GABBR2: variants seen among roughly 807,000 people sequenced by gnomAD.
The protein encoded by GABBR2 is gamma-aminobutyric acid type B receptor subunit 2, also known as G-protein coupled receptor 51.
In GABBR2, 23 loss-of-function variants were observed where a neutral mutation model predicts 105.6. The ratio of observed to expected loss-of-function variants is 0.22; its 90% CI spans 0.16 to 0.31. The LOEUF (loss-of-function observed/expected upper bound fraction) is 0.31, where lower values mean the gene tolerates loss of function less well. GABBR2 is among the 10% of genes least tolerant of loss of function. GABBR2 has a pLI of 1.00. For missense variants in GABBR2, 734 were observed against 1,245.5 expected (o/e 0.59, Z 6.18); for synonymous variants, 478 against 499.7 (o/e 0.96, Z 0.58).
intron 13 of GABBR2, among the ~76,000 whole-genome samples, chr9:98,317,565 A>G (rs1431000609): frequency 6.6e-6 from 1 of 152,128 alleles, no homozygotes. Flanking sequence ...CCCATTTGTG[A>G]AGGGAGCCCA....
intron 3 of GABBR2, among the ~76,000 whole-genome samples, chr9:98,535,344 G>C (rs1490105655): frequency 6.6e-6 from 1 of 151,802 alleles, no homozygotes; most frequent in Non-Finnish European, 1.5e-5. Context: ...CAGGTGATCT[G>C]CCCACCTCAG....
rs879816287 is a variant in GABBR2, at chr9:98,384,618, T to A, written c.1662+1022A>T. On this transcript the variant is annotated intron_variant, in intron 11 of 18. Coordinates refer to ENST00000259455, the MANE Select transcript of GABBR2 (RefSeq NM_005458.8). Reference sequence around the variant, plus strand: ...AAAAAACCCAAAAAACAAAAAAAAATAAAAGGCATTTCTTTAGGCATTAAA... The same window carrying A: ...AAAAAACCCAAAAAACAAAAAAAAAAAAAAGGCATTTCTTTAGGCATTAAA... 3.3e-5 allele frequency among the ~76,000 whole-genome samples: 5 copies of A among 151,858 alleles called. No homozygotes were observed. In the East Asian group the frequency reaches 9.7e-4, roughly 29 times the overall value.
intron 1 of GABBR2, among the ~76,000 whole-genome samples, chr9:98,585,480 G>A (rs1175304434): frequency 8.0e-5 from 11 of 138,354 alleles, no homozygotes; most frequent in South Asian, 2.7e-4. Flanking sequence ...ATCACACACC[G>A]GGGACTGGCG....
rs567734727 is a variant in GABBR2 at position 98,415,357 on chromosome 9, T to C, written c.1237-9216A>G. 2.6e-5 allele frequency among the ~76,000 whole-genome samples: 4 copies of C among 152,316 alleles called. No individual in the cohort carries two copies. In the South Asian group the frequency reaches 8.3e-4, roughly 32 times the overall value. ...TCATCAGCAATAAACTAATACTCCC[T>C]CTTGAAATAGATTAATTTTTTTACT... On this transcript the variant is annotated intron_variant, in intron 7 of 18. Transcript: ENST00000259455.
intron 2 of GABBR2, among the ~76,000 whole-genome samples, chr9:98,568,616 T>C (rs1458062893): frequency 1.3e-5 from 2 of 152,066 alleles, no homozygotes; most frequent in East Asian, 3.9e-4. Context: ...AGCCAGCACT[T>C]TGTCCACCAC....
intron 1 of GABBR2, among the ~76,000 whole-genome samples, chr9:98,676,443 A>G (rs1295861334): frequency 6.6e-6 from 1 of 152,252 alleles, no homozygotes; most frequent in Non-Finnish European, 1.5e-5. Flanking sequence ...CCACACCATT[A>G]TCTAGCTAGA....
chr9:98,628,120 T>A (rs893910967), intron 1 of GABBR2, among the ~76,000 whole-genome samples: 8 of 152,202 alleles, frequency 5.3e-5, no homozygotes, highest in African/African-American at 1.9e-4. Context: ...TTACATGACA[T>A]AAGATACAAC....
At chr9:98,389,036 C>A in intron 9 of GABBR2, 32 bp from the exon 10 acceptor site, 1 of 1,588,476 alleles carries the variant, frequency 6.3e-7, no homozygotes, top group South Asian at 1.1e-5. Flanking sequence ...TCAGTGGGAC[C>A]CAATGCAAGT....
At chr9:98,436,280 C>CATATATATATATATAT (rs56768409) in intron 7 of GABBR2, among the ~76,000 whole-genome samples, 3 of 53,924 alleles carry the variant, frequency 5.6e-5, no homozygotes, top group Non-Finnish European at 9.3e-5. Flanking sequence ...CAACAACAAC[C>CATATATATATATATAT]ATATATATAT....
At chr9:98,541,365 T>C (rs1828300054) in intron 3 of GABBR2, among the ~76,000 whole-genome samples, 1 of 151,652 alleles carries the variant, frequency 6.6e-6, no homozygotes, top group Non-Finnish European at 1.5e-5. Flanking sequence ...TTGGCTTTTT[T>C]TTCCCCCACA....
intron 8 of GABBR2, 60 bp from the exon 9 acceptor site, chr9:98,394,315 T>C: frequency 8.2e-7 from 1 of 1,216,188 alleles, no homozygotes; most frequent in Non-Finnish European, 1.2e-6. Context: ...GTCTGGGTGC[T>C]CCTATTCCAG....
At chr9:98,649,680 C>T (rs1314219513) in intron 1 of GABBR2, among the ~76,000 whole-genome samples, 1 of 152,090 alleles carries the variant, frequency 6.6e-6, no homozygotes, top group Non-Finnish European at 1.5e-5. Flanking sequence ...ACAAAATATG[C>T]CTGTGTTCAT....
At chr9:98,440,287 A>G (rs1300420662) in intron 7 of GABBR2, among the ~76,000 whole-genome samples, 1 of 152,200 alleles carries the variant, frequency 6.6e-6, no homozygotes, top group East Asian at 1.9e-4. Context: ...AAGATGTCCC[A>G]TCTCTATTTA....
rs1197179874 is a variant in GABBR2 at position 98,454,031 on chromosome 9, C to A, written c.1186G>T (p.Gly396Cys). 1 of 1,614,072 alleles carries A rather than the reference C, an allele frequency of 6.2e-7. No homozygotes were observed. Among genetic ancestry groups the A allele is most frequent in the African/African-American group, 1.3e-5 (1 of 74,914 alleles). Residue 396 changes from glycine to cysteine, a missense_variant, in exon 7 of 19, where the codon GGC becomes TGC. Transcript: ENST00000259455. This position sits in a 1 kb window ranked among gnomAD's most constrained non-coding sequence, Gnocchi z 4.6. ...QDFNYTDHTL[G>C]RIILNAMNET... ...TTCATGGCATTGAGGATGATCCTGC[C>A]CAGCGTGTGGTCCGTGTAGTTGAAG... is the stretch of plus-strand genomic sequence containing the variant.
In GABBR2 at chr9:98,299,093, C is replaced by G. The variant is rs551551618; in HGVS notation, c.2542+131G>C. 5.0e-4 allele frequency: 388 copies of G among 781,354 alleles called. 2 individuals are homozygous for G. The African/African-American group carries it at 5.8e-3, about 12-fold the overall frequency. 48.4% of individuals were successfully genotyped at this position (781,354 alleles called of 1,614,324 possible). On this transcript the variant is annotated intron_variant, in intron 17 of 18. Coordinates refer to ENST00000259455, the MANE Select transcript of GABBR2 (RefSeq NM_005458.8). The stretch of plus-strand genomic sequence containing the variant: ...GACAGAGGTTCCAGATGCTCCAGCT[C>G]TGTGTGTGTGACTTCATACCAGTCC...
intron 1 of GABBR2, among the ~76,000 whole-genome samples, chr9:98,642,740 G>C (rs1829981101): frequency 6.6e-6 from 1 of 152,170 alleles, no homozygotes; most frequent in Non-Finnish European, 1.5e-5. Context: ...TTCTGTTTTA[G>C]GCGTGCGCGT....
chr9:98,357,691 A>G (rs879542180), intron 13 of GABBR2, among the ~76,000 whole-genome samples: 1 of 151,812 alleles, frequency 6.6e-6, no homozygotes, highest in Admixed American at 6.6e-5. Flanking sequence ...CAAAAAAAAA[A>G]ACCCCACATC....
At chr9:98,607,345 A>G in intron 1 of GABBR2, 1 of 742,042 alleles carries the variant, frequency 1.3e-6, no homozygotes, top group Non-Finnish European at 2.5e-6. Context: ...ACATGGACTT[A>G]AACCATTGAA....
At position 98,483,726 on chromosome 9, in the gene GABBR2, C is replaced by T. The variant is rs142592406; in HGVS notation, c.733-2729G>A. 1.8e-4 allele frequency among the ~76,000 whole-genome samples: 27 copies of T among 152,276 alleles called. No individual in the cohort carries two copies. The East Asian group carries it at 4.8e-3, about 27-fold the overall frequency. On this transcript the variant is annotated intron_variant, in intron 4 of 18. Coordinates refer to ENST00000259455, the MANE Select transcript of GABBR2 (RefSeq NM_005458.8). ...CCCACTTACTTTGCCCGCACAGCTGCTACTCACCCTTCCTACCTTAGCCCA... is the reference window on the plus strand; with the variant it reads ...CCCACTTACTTTGCCCGCACAGCTGTTACTCACCCTTCCTACCTTAGCCCA...
Sources: allele counts gnomAD v4.1 joint callset (sites outside exome capture counted in the v4.1 genomes callset), GRCh38; gene constraint gnomAD v4.1.1; non-coding constraint Gnocchi (gnomAD v3.1); transcripts MANE v1.5; gene names NCBI Gene and HGNC (gene_info 2026-07-23, HGNC 2026-07-21).